Variants in CADPS2 observed in about 807,000 individuals in gnomAD.
The protein encoded by CADPS2 is calcium dependent secretion activator 2, also known as calcium-dependent secretion activator 2.
A neutral mutation model predicts 172.5 loss-of-function variants in CADPS2; 93 were observed. The observed-to-expected ratio is 0.54, with a 90% confidence interval of 0.46 to 0.64. The LOEUF (loss-of-function observed/expected upper bound fraction) is 0.64. Ranked by LOEUF, CADPS2 falls within the 30% of genes least tolerant of loss-of-function variation. The pLI, the probability that CADPS2 is intolerant of heterozygous loss-of-function variation, is 0.00. For missense variants in CADPS2, 1,420 were observed against 1,565.9 expected, an observed-to-expected ratio of 0.91 and a Z score of 1.57; for synonymous variants, 546 against 555.2, an observed-to-expected ratio of 0.98 and a Z score of 0.23.
intron 2 of CADPS2, among the ~76,000 whole-genome samples, chr7:122,686,727 C>T (rs928921898): frequency 6.6e-6 from 1 of 152,232 alleles, no homozygotes; most frequent in Non-Finnish European, 1.5e-5. Flanking sequence ...CTCATTCTGC[C>T]AGGCTGGTGT....
Position 122,837,591 on chromosome 7 carries a change from G to A in CADPS2, c.339+48408C>T, listed in dbSNP as rs960124797. Among the ~76,000 whole-genome samples the A allele has an allele frequency of 7.3e-4, 111 of 152,244 alleles. 1 individual carries two copies. The highest frequency in any genetic ancestry group is 1.1e-3 in the Non-Finnish European group (75 of 68,022). ...AATAGACGCAATAAAAAATGATAAA[G>A]AGGATATCACCACCGATCCCACAGA... On this transcript the variant is annotated intron_variant, in intron 1 of 29. Coordinates refer to ENST00000449022, the MANE Select transcript of CADPS2 (RefSeq NM_017954.11).
At chr7:122,496,438 T>C (rs1238359592) in intron 9 of CADPS2, among the ~76,000 whole-genome samples, 2 of 152,156 alleles carry the variant, frequency 1.3e-5, no homozygotes, top group Non-Finnish European at 2.9e-5. Flanking sequence ...GCTGGGATTA[T>C]GGCATGAGTC....
rs563892736 is a variant in CADPS2, at chr7:122,318,750, T to C, written c.*1415A>G. 3.3e-5 allele frequency: 5 copies of C among 152,206 alleles called. No homozygotes were observed. The highest frequency in any genetic ancestry group is 9.7e-5 in the African/African-American group (4 of 41,450). The allele number at this position is 152,206 out of a possible 1,614,324, so 9.4% of individuals were successfully genotyped here. ...AGCCAAAACAATGCTAAATAGTAAC[T>C]GTAGATTAAATAGATTTTTAAGGCT... On this transcript the variant is annotated 3_prime_UTR_variant, in exon 30 of 30. Transcript: ENST00000449022.
chr7:122,320,015 T>C lies in CADPS2; in HGVS notation c.*150A>G, dbSNP rs1199117102. On this transcript the variant is annotated 3_prime_UTR_variant, in exon 30 of 30. Coordinates refer to ENST00000449022, the MANE Select transcript of CADPS2 (RefSeq NM_017954.11). ...ACCCCAAAATCTTGGCATTTCCCCT[T>C]TTACTCTACATTCAGGCTTACTTTT... The C allele has an allele frequency of 1.3e-6, 1 of 772,614 alleles. No individual in the cohort carries two copies. The highest frequency in any genetic ancestry group is 3.3e-5 in the East Asian group (1 of 30,632). The allele number at this position is 772,614 out of a possible 1,614,324, so 47.9% of individuals were successfully genotyped here. A position where few individuals can be genotyped will look rare whatever the true frequency, so the allele number is the denominator to read the frequency against.
intron 11 of CADPS2, among the ~76,000 whole-genome samples, chr7:122,484,623 T>C (rs922140169): frequency 6.6e-6 from 1 of 150,906 alleles, no homozygotes; most frequent in African/African-American, 2.4e-5. Context: ...AGCACAACTA[T>C]GAAAAAAATT....
At chr7:122,539,385 G>A (rs1258104656) in intron 8 of CADPS2, among the ~76,000 whole-genome samples, 1 of 152,028 alleles carries the variant, frequency 6.6e-6, no homozygotes, top group Non-Finnish European at 1.5e-5. Context: ...CTAAAACTGA[G>A]CTAAATAAAT....
At chr7:122,588,417 G>T (rs2070142621) in intron 6 of CADPS2, among the ~76,000 whole-genome samples, 1 of 151,872 alleles carries the variant, frequency 6.6e-6, no homozygotes, top group Non-Finnish European at 1.5e-5. Flanking sequence ...TCTGCATATG[G>T]CTAACCAGTT....
chr7:122,530,836 G>A (rs1469453750), intron 8 of CADPS2, among the ~76,000 whole-genome samples: 2 of 152,034 alleles, frequency 1.3e-5, no homozygotes, highest in Non-Finnish European at 2.9e-5. Context: ...TCTTTTATAC[G>A]GAGGAGATGG....
chr7:122,646,147 C>G (rs2078528128), intron 3 of CADPS2, among the ~76,000 whole-genome samples: 1 of 151,986 alleles, frequency 6.6e-6, no homozygotes, highest in South Asian at 2.1e-4. Context: ...ATACCAAAAA[C>G]TGTCCTAAAT....
intron 25 of CADPS2, among the ~76,000 whole-genome samples, chr7:122,371,530 C>G (rs1224182819): frequency 6.6e-6 from 1 of 152,158 alleles, no homozygotes; most frequent in East Asian, 1.9e-4. Context: ...CAATTACCTC[C>G]ACCTGCTCCC....
intron 2 of CADPS2, among the ~76,000 whole-genome samples, chr7:122,731,674 G>GAA (rs35015771): frequency 6.0e-5 from 9 of 149,440 alleles, no homozygotes; most frequent in Admixed American, 4.7e-4. Flanking sequence ...GTGAAGAGGG[G>GAA]AAAAAAAAAC....
chr7:122,586,167 C>T (rs974831080), intron 6 of CADPS2, among the ~76,000 whole-genome samples: 32 of 152,016 alleles, frequency 2.1e-4, no homozygotes, highest in African/African-American at 7.2e-4. Context: ...CAAAACTGAA[C>T]GTGCACATTT....
At chr7:122,786,041 A>G (rs1793966663) in intron 1 of CADPS2, among the ~76,000 whole-genome samples, 1 of 152,186 alleles carries the variant, frequency 6.6e-6, no homozygotes. Flanking sequence ...GATAATATGG[A>G]CTTTTATTTT....
chr7:122,628,404 G>A (rs554440840), intron 4 of CADPS2, among the ~76,000 whole-genome samples: 1 of 152,030 alleles, frequency 6.6e-6, no homozygotes, highest in East Asian at 1.9e-4. Context: ...ACTGTAAAAT[G>A]AAGATGTGTG....
chr7:122,608,100 C>A (rs12706422), intron 6 of CADPS2, among the ~76,000 whole-genome samples: 37 of 151,832 alleles, frequency 2.4e-4, no homozygotes, highest in Non-Finnish European at 4.7e-4. Flanking sequence ...GTCTGTAGTC[C>A]CAGCTACTCA....
chr7:122,723,683 T>C (rs956161245), intron 2 of CADPS2, among the ~76,000 whole-genome samples: 1 of 152,178 alleles, frequency 6.6e-6, no homozygotes, highest in African/African-American at 2.4e-5. Context: ...ACTGGGTATA[T>C]ACCCACAGGA....
intron 3 of CADPS2, among the ~76,000 whole-genome samples, chr7:122,662,569 T>C (rs2080716146): frequency 6.6e-6 from 1 of 152,016 alleles, no homozygotes; most frequent in African/African-American, 2.4e-5. Context: ...AGAAACCAGG[T>C]TTCACCATGT....
intron 1 of CADPS2, among the ~76,000 whole-genome samples, chr7:122,828,763 C>G (rs1482846652): frequency 6.6e-6 from 1 of 152,032 alleles, no homozygotes; most frequent in Non-Finnish European, 1.5e-5. Flanking sequence ...ACTGTTTTTT[C>G]CCCTTTTACT....
At chr7:122,621,207 T>G (rs2075572591) in intron 5 of CADPS2, among the ~76,000 whole-genome samples, 1 of 152,152 alleles carries the variant, frequency 6.6e-6, no homozygotes, top group Non-Finnish European at 1.5e-5. Flanking sequence ...CATCTTATTT[T>G]ATCAGTAAAT....
Sources: gnomAD v4.1 joint callset for allele counts (sites outside exome capture counted in the v4.1 genomes callset) on GRCh38, gnomAD v4.1.1 for gene constraint, MANE v1.5 for transcripts, NCBI Gene and HGNC (gene_info 2026-07-23, HGNC 2026-07-21) for gene names.